Variants in RBFOX1 observed in about 807,000 individuals in gnomAD.
RBFOX1 encodes RNA binding fox-1 homolog 1, also known as RNA binding protein fox-1 homolog 1.
RBFOX1 carries 8 observed loss-of-function variants against 57.7 expected under a neutral mutation model. The observed-to-expected ratio is 0.14, with a 90% CI of 0.08 to 0.25. RBFOX1 has a LOEUF of 0.25. RBFOX1 is among the 10% of genes least tolerant of loss of function. The pLI is 1.00. For synonymous variants in RBFOX1, 326 were observed against 222.4 expected (o/e 1.47, Z -4.15); for missense variants, 611 against 548.5 (o/e 1.11, Z -1.14).
chr16:5,657,296 A>C (rs1405828042), intron 3 of RBFOX1, among the ~76,000 whole-genome samples: 1 of 152,212 alleles, frequency 6.6e-6, no homozygotes, highest in Non-Finnish European at 1.5e-5. Flanking sequence ...AATAATAGTT[A>C]ATGTATAAAC....
At chr16:7,123,339 A>C (rs1179296137) in intron 4 of RBFOX1, among the ~76,000 whole-genome samples, 1 of 152,126 alleles carries the variant, frequency 6.6e-6, no homozygotes, top group Non-Finnish European at 1.5e-5. Flanking sequence ...TAAATGAAAA[A>C]GTGTAGAATT....
intron 1 of RBFOX1, among the ~76,000 whole-genome samples, chr16:6,203,980 C>CTTTTTTTTTTTTTT (rs60829829): frequency 7.3e-6 from 1 of 137,730 alleles, no homozygotes. Flanking sequence ...TGTTTTGTTT[C>CTTTTTTTTTTTTTT]TTTTTTTTTT....
chr16:5,538,343 G>T (rs2044782756), intron 2 of RBFOX1, among the ~76,000 whole-genome samples: 1 of 152,172 alleles, frequency 6.6e-6, no homozygotes, highest in African/African-American at 2.4e-5. Context: ...ACAGAGAGAG[G>T]CTTTCTAAAA....
intron 4 of RBFOX1, among the ~76,000 whole-genome samples, chr16:7,150,004 C>A (rs1255985246): frequency 2.6e-5 from 4 of 152,158 alleles, no homozygotes; most frequent in African/African-American, 9.7e-5. Flanking sequence ...GAACCCTTCT[C>A]CACCTCTGTT....
intron 1 of RBFOX1, among the ~76,000 whole-genome samples, chr16:5,316,571 T>C (rs2064244921): frequency 6.6e-6 from 1 of 152,218 alleles, no homozygotes; most frequent in Non-Finnish European, 1.5e-5. Flanking sequence ...GCACATTACT[T>C]AGCCACGTTG....
At chr16:7,034,503 A>G (rs1422268474) in intron 3 of RBFOX1, among the ~76,000 whole-genome samples, 2 of 152,058 alleles carry the variant, frequency 1.3e-5, no homozygotes, top group East Asian at 1.9e-4. Flanking sequence ...ATCTATCTCT[A>G]GGGCACTTCA....
chr16:6,336,591 G>C (rs1023600998), intron 2 of RBFOX1, among the ~76,000 whole-genome samples: 12 of 152,070 alleles, frequency 7.9e-5, no homozygotes, highest in African/African-American at 2.9e-4. Context: ...TAGTGCTTCA[G>C]TTCCAGCCTC....
chr16:5,336,920 C>T (rs1479095368), intron 1 of RBFOX1, among the ~76,000 whole-genome samples: 1 of 152,184 alleles, frequency 6.6e-6, no homozygotes, highest in Non-Finnish European at 1.5e-5. Flanking sequence ...CAAGAGCTAC[C>T]TTCTATTCTC....
intron 4 of RBFOX1, among the ~76,000 whole-genome samples, chr16:5,883,186 AAT>A (rs2057806510): frequency 6.6e-6 from 1 of 152,072 alleles, no homozygotes; most frequent in African/African-American, 2.4e-5. Context: ...CTTTAATAAT[AAT>A]TTTTTTTTGC....
At chr16:5,771,459 A>G (rs1389991945) in intron 3 of RBFOX1, among the ~76,000 whole-genome samples, 1 of 152,182 alleles carries the variant, frequency 6.6e-6, no homozygotes. Flanking sequence ...TCCAGGCTGG[A>G]GTGCAGTAGA....
intron 3 of RBFOX1, among the ~76,000 whole-genome samples, chr16:5,769,503 A>T (rs1567517315): frequency 6.8e-6 from 1 of 148,120 alleles, no homozygotes; most frequent in Non-Finnish European, 1.5e-5. Context: ...AAAAAAAAAA[A>T]TTAGCTAGGT....
chr16:6,947,386 C>T (rs756893583), intron 3 of RBFOX1, among the ~76,000 whole-genome samples: 3 of 152,200 alleles, frequency 2.0e-5, no homozygotes, highest in African/African-American at 4.8e-5. Flanking sequence ...CTTAATCGCT[C>T]TCCCTGGTTT....
At chr16:6,388,890 G>A (rs961919802) in intron 2 of RBFOX1, among the ~76,000 whole-genome samples, 2 of 152,172 alleles carry the variant, frequency 1.3e-5, no homozygotes, top group African/African-American at 4.8e-5. Flanking sequence ...TGAACTCACA[G>A]AAGCAGAGAG....
rs565310477 is a variant in RBFOX1 at position 7,276,272 on chromosome 16, C to T, written c.27+224174C>T. On this transcript the variant is annotated intron_variant, in intron 4 of 15. Transcript: ENST00000550418. ...TGTCATGAAATGGTGATAATTTCCC[C>T]ACGCCCCATAATGTTCCTCTCCTTC... 2.0e-5 allele frequency among the ~76,000 whole-genome samples: 3 copies of T among 152,176 alleles called. No individual in the cohort carries two copies. The South Asian group carries it at 6.2e-4, about 32-fold the overall frequency.
chr16:7,544,440 G>C (rs2083846165), intron 5 of RBFOX1, among the ~76,000 whole-genome samples: 1 of 152,154 alleles, frequency 6.6e-6, no homozygotes, highest in Admixed American at 6.5e-5. Context: ...AATTAGATGA[G>C]GTTATACTGG....
rs1250713746 is a variant in RBFOX1, at chr16:5,923,808, T to A, written c.351+56473T>A. Among the ~76,000 whole-genome samples the A allele has an allele frequency of 3.3e-5, 5 of 152,094 alleles. No homozygotes were observed. In the East Asian group the frequency reaches 9.7e-4, roughly 29 times the overall value. On this transcript the variant is annotated intron_variant, in intron 4 of 19. Coordinates refer to the RBFOX1 transcript ENST00000641259. The stretch of plus-strand genomic sequence containing the variant: ...TGCCTACCTCAGCCTCCCAAAGTGC[T>A]GGGATTACAGGTGTGAGCCACCGTA...
chr16:7,564,427 A>C (rs944943193), intron 5 of RBFOX1, among the ~76,000 whole-genome samples: 1 of 150,986 alleles, frequency 6.6e-6, no homozygotes, highest in South Asian at 2.1e-4. Context: ...TGTAATCTCA[A>C]GTACTCAGGA....
intron 2 of RBFOX1, among the ~76,000 whole-genome samples, chr16:6,442,945 A>C (rs148585884): frequency 6.6e-6 from 1 of 152,184 alleles, no homozygotes; most frequent in Non-Finnish European, 1.5e-5. Flanking sequence ...CTTAATAAAA[A>C]TGTATCTTTC....
intron 2 of RBFOX1, among the ~76,000 whole-genome samples, chr16:6,492,588 TTAAA>T (rs35376498): frequency 0.23 from 34,321 of 151,700 alleles, 4,452 homozygotes; most frequent in Non-Finnish European, 0.3. Context: ...TAAATAAAAA[TTAAA>T]TAAATAAATA....
Sources: gnomAD v4.1 joint callset for allele counts (sites outside exome capture counted in the v4.1 genomes callset) on GRCh38, gnomAD v4.1.1 for gene constraint, MANE v1.5 for transcripts, NCBI Gene and HGNC (gene_info 2026-07-23, HGNC 2026-07-21) for gene names.